LHFPL6: variants seen among roughly 807,000 people sequenced by gnomAD.
LHFPL6 encodes the protein LHFPL tetraspan subfamily member 6 protein.
In LHFPL6, 9 loss-of-function variants were observed where a neutral mutation model predicts 20.6. That is an observed-to-expected ratio of 0.44 (90% CI 0.26 to 0.76). The LOEUF is 0.76. Ranked by LOEUF, LHFPL6 falls within the 30% of genes least tolerant of loss-of-function variation. The probability of loss-of-function intolerance (pLI) is 0.20; values close to 1 mark genes in which losing one functional copy is unlikely to be tolerated. For missense variants in LHFPL6, 218 were observed against 253.5 expected (o/e 0.86, Z 0.95); for synonymous variants, 105 against 98.7 (o/e 1.06, Z -0.38).
intron 2 of LHFPL6, among the ~76,000 whole-genome samples, chr13:39,575,025 A>G (rs2138534062): frequency 6.6e-6 from 1 of 152,188 alleles, no homozygotes; most frequent in Admixed American, 6.5e-5. Flanking sequence ...GAGCCGAGAT[A>G]GCGCTACTGC....
intron 2 of LHFPL6, among the ~76,000 whole-genome samples, chr13:39,390,323 C>T (rs1870672350): frequency 6.6e-6 from 1 of 151,960 alleles, no homozygotes; most frequent in Non-Finnish European, 1.5e-5. Context: ...CAGCAAGACT[C>T]CTTCTCTTAA....
At chr13:39,366,522 T>C (rs1870017986) in intron 3 of LHFPL6, among the ~76,000 whole-genome samples, 1 of 152,198 alleles carries the variant, frequency 6.6e-6, no homozygotes, top group Non-Finnish European at 1.5e-5. Flanking sequence ...CTGTCTATGA[T>C]GAAGTATTTT....
intron 2 of LHFPL6, among the ~76,000 whole-genome samples, chr13:39,474,944 GAT>G (rs1873045751): frequency 6.6e-6 from 1 of 152,236 alleles, no homozygotes; most frequent in Admixed American, 6.5e-5. Flanking sequence ...TTGTTTGGTA[GAT>G]CAGTGGTTTT....
intron 2 of LHFPL6, among the ~76,000 whole-genome samples, chr13:39,569,140 TGGATGGATGGACGGAC>T (rs1219171108): frequency 3.9e-5 from 2 of 51,896 alleles, no homozygotes; most frequent in East Asian, 3.5e-4. Flanking sequence ...GATGGATGGA[TGGATGGATGGACGGAC>T]GGATGGATGG....
chr13:39,375,732 A>G lies in LHFPL6; in HGVS notation c.484+2696T>C, dbSNP rs147966660. Reference sequence around the variant, plus strand: ...AGTGAAGTGGGATGGGCCTAGAGATATCTCTATGCCACACTTTCTCTTTAG... The same window carrying G: ...AGTGAAGTGGGATGGGCCTAGAGATGTCTCTATGCCACACTTTCTCTTTAG... On this transcript the variant is annotated intron_variant, in intron 3 of 3. Coordinates refer to ENST00000379589, the MANE Select transcript of LHFPL6 (RefSeq NM_005780.3). Among the ~76,000 whole-genome samples, 778 of 151,326 alleles carry G rather than the reference A, an allele frequency of 5.1e-3. 52 individuals carry two copies. The highest frequency in any genetic ancestry group is 0.018 in the African/African-American group (738 of 40,840).
At chr13:39,538,785 C>G (rs1870704429) in intron 2 of LHFPL6, among the ~76,000 whole-genome samples, 1 of 151,990 alleles carries the variant, frequency 6.6e-6, no homozygotes, top group South Asian at 2.1e-4. Context: ...TATACAGCAA[C>G]ATTATTTTTG....
intron 2 of LHFPL6, among the ~76,000 whole-genome samples, chr13:39,385,534 A>G (rs1390857169): frequency 6.6e-6 from 1 of 152,264 alleles, no homozygotes; most frequent in South Asian, 2.1e-4. Flanking sequence ...TAAACCACCT[A>G]CAGGAGCGTT....
intron 2 of LHFPL6, among the ~76,000 whole-genome samples, chr13:39,502,397 T>C (rs1161109231): frequency 6.6e-6 from 1 of 151,650 alleles, no homozygotes; most frequent in East Asian, 1.9e-4. Flanking sequence ...TGCGGCAGGA[T>C]CGCTTGAGCC....
At chr13:39,476,998 G>T (rs1328826835) in intron 2 of LHFPL6, among the ~76,000 whole-genome samples, 1 of 152,196 alleles carries the variant, frequency 6.6e-6, no homozygotes, top group Non-Finnish European at 1.5e-5. Context: ...GTAACAGATT[G>T]AAGATGGGTA....
intron 2 of LHFPL6, among the ~76,000 whole-genome samples, chr13:39,390,981 A>G (rs1018509160): frequency 1.3e-5 from 2 of 152,212 alleles, no homozygotes; most frequent in East Asian, 1.9e-4. Flanking sequence ...TGGGAGACAG[A>G]GCGAGACTCT....
At chr13:39,508,470 C>G (rs1869570956) in intron 2 of LHFPL6, among the ~76,000 whole-genome samples, 1 of 152,174 alleles carries the variant, frequency 6.6e-6, no homozygotes, top group African/African-American at 2.4e-5. Flanking sequence ...TTTGTAATTT[C>G]TTCCTCCCCG....
At chr13:39,478,413 A>C (rs750909621) in intron 2 of LHFPL6, among the ~76,000 whole-genome samples, 36 of 152,188 alleles carry the variant, frequency 2.4e-4, no homozygotes, top group Non-Finnish European at 4.9e-4. Flanking sequence ...GCACACAAAC[A>C]TTCCTATATA....
chr13:39,479,080 T>TAGATAGATAGAC (rs1176670723), intron 2 of LHFPL6, among the ~76,000 whole-genome samples: 52 of 147,346 alleles, frequency 3.5e-4, no homozygotes, highest in African/African-American at 1.2e-3. Context: ...GATAGATAGA[T>TAGATAGATAGAC]AGACAGACAT....
chr13:39,537,659 G>A (rs962549232), intron 2 of LHFPL6, among the ~76,000 whole-genome samples: 2 of 152,024 alleles, frequency 1.3e-5, no homozygotes, highest in South Asian at 2.1e-4. Context: ...TAATCATTTT[G>A]TTGCTTTTTG....
rs138744620 is a variant in LHFPL6 at position 39,462,877 on chromosome 13, G to T, written c.386-84351C>A. Among the ~76,000 whole-genome samples, 582 of 152,292 alleles carry T rather than the reference G, an allele frequency of 3.8e-3. 1 individual carries two copies. Among genetic ancestry groups the T allele is most frequent in the African/African-American group, 0.013 (543 of 41,554 alleles). On this transcript the variant is annotated intron_variant, in intron 2 of 3. Transcript: ENST00000379589. ...AGCTTGGATTCATTCTTCGGGATGG[G>T]GCTGGGGGTGCTGGCATGGTTAACT...
intron 2 of LHFPL6, among the ~76,000 whole-genome samples, chr13:39,596,321 T>C (rs1260831213): frequency 6.6e-6 from 1 of 152,160 alleles, no homozygotes; most frequent in Non-Finnish European, 1.5e-5. Flanking sequence ...TTTAACTCAG[T>C]TCTGAAAGTA....
chr13:39,344,080 G>A (rs535954053), intron 3 of LHFPL6, 26 bp from the exon 4 acceptor site: 1 of 1,574,552 alleles, frequency 6.4e-7, no homozygotes, highest in East Asian at 2.3e-5. Flanking sequence ...GGGGAAAGAA[G>A]AAAGTCACAG....
At chr13:39,398,439 C>A (rs1470338425) in intron 2 of LHFPL6, among the ~76,000 whole-genome samples, 1 of 152,108 alleles carries the variant, frequency 6.6e-6, no homozygotes, top group Non-Finnish European at 1.5e-5. Context: ...TTCCAGAAAC[C>A]TGTATTTCTC....
At chr13:39,586,427 G>A (rs984611768) in intron 2 of LHFPL6, among the ~76,000 whole-genome samples, 1 of 151,962 alleles carries the variant, frequency 6.6e-6, no homozygotes, top group Non-Finnish European at 1.5e-5. Context: ...TACATACCAT[G>A]GTAACGACAA....
Sources: allele counts gnomAD v4.1 joint callset (sites outside exome capture counted in the v4.1 genomes callset), GRCh38; gene constraint gnomAD v4.1.1; transcripts MANE v1.5; gene names NCBI Gene and HGNC (gene_info 2026-07-23, HGNC 2026-07-21).